The following LPAR5 variants were observed in gnomAD, a reference collection of about 807,000 sequenced individuals.
LPAR5 encodes the protein lysophosphatidic acid receptor 5, also known as G protein-coupled receptor 92.
For synonymous variants in LPAR5, 271 were observed against 261.6 expected (o/e 1.04, Z -0.35); for missense variants, 544 against 521.8 (o/e 1.04, Z -0.41).
Position 6,619,197 on chromosome 12 carries a change from G to A in LPAR5, c.*933C>T, listed in dbSNP as rs1367924234. 1.3e-5 allele frequency: 2 copies of A among 152,138 alleles called. No individual in the cohort carries two copies. The highest frequency in any genetic ancestry group is 2.1e-4 in the South Asian group (1 of 4,830). 9.4% of individuals were successfully genotyped at this position (152,138 alleles called of 1,614,324 possible). A position where few individuals can be genotyped will look rare whatever the true frequency, so the allele number is the denominator to read the frequency against. ...TTCGCTTTAATTTCTAGTATGGTAA[G>A]TATCAAAAGAACAAAATATAAGCAA... On this transcript the variant is annotated 3_prime_UTR_variant, in exon 2 of 2. Transcript: ENST00000329858.
chr12:6,628,438 C>T (rs1948958748), intron 1 of LPAR5, among the ~76,000 whole-genome samples: 1 of 150,918 alleles, frequency 6.6e-6, no homozygotes, highest in Non-Finnish European at 1.5e-5. Context: ...GTCTGTCTTT[C>T]TTTCTTTCCT....
At chr12:6,632,549 T>TC (rs1284549448) in intron 1 of LPAR5, among the ~76,000 whole-genome samples, 1 of 152,104 alleles carries the variant, frequency 6.6e-6, no homozygotes, top group Non-Finnish European at 1.5e-5. Flanking sequence ...ATGCACCCTT[T>TC]CCCCACAGAC....
intron 1 of LPAR5, among the ~76,000 whole-genome samples, chr12:6,634,033 G>C (rs921481396): frequency 6.6e-6 from 1 of 151,640 alleles, no homozygotes; most frequent in Non-Finnish European, 1.5e-5. Flanking sequence ...TTGAGATAGA[G>C]TCTCGCTCTG....
rs1948887951 is a variant in LPAR5 at position 6,620,784 on chromosome 12, G to C, written c.465C>G (p.Pro155=). ...GCGAGGGCCTGTGCACGCGGGCGGC[G>C]GGCACGGCAAACACCAGGATGAGCG... ...VWALILVFAV[P]AARVHRPSRC... Residue 155 remains proline, a synonymous_variant, in exon 2 of 2, where the codon CCC becomes CCG. Coordinates refer to ENST00000329858, the MANE Select transcript of LPAR5 (RefSeq NM_020400.6). The surrounding 1 kb of genome is among the most constrained non-coding windows in gnomAD (Gnocchi z 6.8). 2 of 1,582,502 alleles carry C rather than the reference G, an allele frequency of 1.3e-6. No individual in the cohort carries two copies. The highest frequency in any genetic ancestry group is 2.3e-5 in the South Asian group (2 of 87,662).
At chr12:6,625,535 C>G (rs1948931145) in intron 1 of LPAR5, among the ~76,000 whole-genome samples, 1 of 150,480 alleles carries the variant, frequency 6.6e-6, no homozygotes, top group Admixed American at 6.7e-5. Flanking sequence ...TCCTGGCTAA[C>G]ATGGTGAAAC....
chr12:6,624,330 C>A (rs7315856), intron 1 of LPAR5, among the ~76,000 whole-genome samples: 142,449 of 152,118 alleles, frequency 0.94, 67,012 homozygotes, highest in Non-Finnish European at 0.99. Flanking sequence ...ACAACAACAA[C>A]AAAGACCAAG....
chr12:6,631,094 G>A (rs1948978208), intron 1 of LPAR5, among the ~76,000 whole-genome samples: 1 of 152,178 alleles, frequency 6.6e-6, no homozygotes, highest in Non-Finnish European at 1.5e-5. Context: ...AATGGCAGCT[G>A]CCCCAGAAAA....
At position 6,630,111 on chromosome 12, in the gene LPAR5, A is replaced by T. The variant is rs368855128; in HGVS notation, c.-217+5796T>A. 2.3e-4 allele frequency among the ~76,000 whole-genome samples: 35 copies of T among 152,188 alleles called. No individual in the cohort carries two copies. In the East Asian group the frequency reaches 6.4e-3, roughly 28 times the overall value. On this transcript the variant is annotated intron_variant, in intron 1 of 1. Coordinates refer to ENST00000329858, the MANE Select transcript of LPAR5 (RefSeq NM_020400.6). Reference sequence around the variant, plus strand: ...GATGCTCTCTTGTTACTCTATTCCAAAGGGGAGAAGTTCTTGGGTTTCTTT... The same window carrying T: ...GATGCTCTCTTGTTACTCTATTCCATAGGGGAGAAGTTCTTGGGTTTCTTT...
intron 1 of LPAR5, among the ~76,000 whole-genome samples, chr12:6,630,489 G>A (rs1325286044): frequency 4.5e-5 from 5 of 110,616 alleles, no homozygotes; most frequent in East Asian, 2.5e-4. Context: ...GAGTCTCCCC[G>A]TTGCCCAGGC....
chr12:6,629,044 T>C (rs915658267), intron 1 of LPAR5, among the ~76,000 whole-genome samples: 1 of 148,624 alleles, frequency 6.7e-6, no homozygotes, highest in Non-Finnish European at 1.5e-5. Context: ...GTGCTGGGAT[T>C]ACACTGTGCC....
chr12:6,635,189 C>T (rs1949002733), intron 1 of LPAR5, among the ~76,000 whole-genome samples: 1 of 152,098 alleles, frequency 6.6e-6, no homozygotes, highest in Non-Finnish European at 1.5e-5. Context: ...GGCCCCACAA[C>T]CACAGGGAAG....
In LPAR5 at chr12:6,621,086, A is replaced by C. The variant is rs1458666440; in HGVS notation, c.163T>G (p.Ser55Ala). The change falls in exon 2 of 2, where the codon TCG becomes GCG. Residue 55 changes from serine (S) to alanine (A), a missense_variant. Ser to Ala is a moderately conservative substitution (Grantham distance 99). Transcript: ENST00000329858. ...TTACACATGTACACGCTCACCACCG[A>C]GTGCACGCGCAGCGCGCGCAGGAAG... ...WVFLRALRVH[S>A]VVSVYMCNLA... 1 of 1,603,310 alleles carries C rather than the reference A, an allele frequency of 6.2e-7. No individual in the cohort carries two copies. Among genetic ancestry groups the C allele is most frequent in the East Asian group, 2.2e-5 (1 of 44,564 alleles).
Position 6,620,781 on chromosome 12 carries a change from G to C in LPAR5, c.468C>G (p.Ala156=). Reference sequence around the variant, plus strand: ...AACGCGAGGGCCTGTGCACGCGGGCGGCGGGCACGGCAAACACCAGGATGA... The same window carrying C: ...AACGCGAGGGCCTGTGCACGCGGGCCGCGGGCACGGCAAACACCAGGATGA... The part of the protein sequence containing the change: ...WALILVFAVP[A]ARVHRPSRCR... Residue 156 remains alanine (A), a synonymous_variant, in exon 2 of 2, where the codon GCC becomes GCG. Coordinates refer to ENST00000329858, the MANE Select transcript of LPAR5 (RefSeq NM_020400.6). This position sits in a 1 kb window ranked among gnomAD's most constrained non-coding sequence, Gnocchi z 6.8. 6.3e-7 allele frequency: 1 copy of C among 1,582,816 alleles called. No individual in the cohort carries two copies. Among genetic ancestry groups the C allele is most frequent in the Non-Finnish European group, 8.6e-7 (1 of 1,165,272 alleles).
intron 1 of LPAR5, among the ~76,000 whole-genome samples, chr12:6,627,161 A>G (rs1489516494): frequency 6.6e-6 from 1 of 152,256 alleles, no homozygotes; most frequent in Non-Finnish European, 1.5e-5. Flanking sequence ...AAGTGGTGAC[A>G]TAAACTCATC....
chr12:6,627,856 C>T (rs931363389), intron 1 of LPAR5, among the ~76,000 whole-genome samples: 51 of 150,278 alleles, frequency 3.4e-4, no homozygotes, highest in Non-Finnish European at 6.6e-4. Context: ...CCCCCGCCCA[C>T]GCTCTAATCC....
Position 6,620,479 on chromosome 12 carries a change from T to G in LPAR5, c.770A>C (p.Tyr257Ser), listed in dbSNP as rs776452407. Residue 257 changes from tyrosine (Y) to serine (S), a missense_variant, in exon 2 of 2, where the codon TAC becomes TCC. Physicochemically the swap from Tyr to Ser is moderately radical, Grantham distance 144 (BLOSUM62 -2). Coordinates refer to ENST00000329858, the MANE Select transcript of LPAR5 (RefSeq NM_020400.6). The surrounding 1 kb of genome is among the most constrained non-coding windows in gnomAD (Gnocchi z 6.8). ...FVPYNSTLAV[Y>S]GLLRSKLVAA... ...CACCAGCTTGCTCCGCAGCAGCCCG[T>G]AGACCGCCAGCGTGCTGTTGTAGGG... The G allele has an allele frequency of 6.3e-7, 1 of 1,588,534 alleles. No homozygotes were observed. Among genetic ancestry groups the G allele is most frequent in the Non-Finnish European group, 8.6e-7 (1 of 1,167,376 alleles).
Position 6,618,926 on chromosome 12 carries a change from T to A in LPAR5, c.*1204A>T, listed in dbSNP as rs1025995324. On this transcript the variant is annotated 3_prime_UTR_variant, in exon 2 of 2. Transcript: ENST00000329858. Reference sequence around the variant, plus strand: ...TAATGCCCTGGGAAGAAGTTAGACATGAACTCCAATACTTCAGGACAAGTA... The same window carrying A: ...TAATGCCCTGGGAAGAAGTTAGACAAGAACTCCAATACTTCAGGACAAGTA... 1.3e-5 allele frequency: 2 copies of A among 152,242 alleles called. No individual in the cohort carries two copies. The highest frequency in any genetic ancestry group is 4.8e-5 in the African/African-American group (2 of 41,454). The allele number at this position is 152,242 out of a possible 1,614,324, so 9.4% of individuals were successfully genotyped here. A position where few individuals can be genotyped will look rare whatever the true frequency, so the allele number is the denominator to read the frequency against.
At chr12:6,626,991 T>C (rs900428878) in intron 1 of LPAR5, among the ~76,000 whole-genome samples, 1 of 151,944 alleles carries the variant, frequency 6.6e-6, no homozygotes, top group East Asian at 1.9e-4. Flanking sequence ...CCTACCTCTG[T>C]AAATGTTAAA....
At chr12:6,629,976 A>T (rs1455187701) in intron 1 of LPAR5, among the ~76,000 whole-genome samples, 1 of 151,974 alleles carries the variant, frequency 6.6e-6, no homozygotes, top group East Asian at 1.9e-4. Flanking sequence ...GTGAGCTGAG[A>T]TCGCGCCACT....
Sources: gnomAD v4.1 joint callset for allele counts (sites outside exome capture counted in the v4.1 genomes callset) on GRCh38, gnomAD v4.1.1 for gene constraint, Gnocchi (gnomAD v3.1) non-coding constraint, MANE v1.5 for transcripts, NCBI Gene and HGNC (gene_info 2026-07-23, HGNC 2026-07-21) for gene names.